The following NYAP2 variants were observed in gnomAD, a reference collection of about 807,000 sequenced individuals.
NYAP2 encodes neuronal tyrosine-phosphorylated phosphoinositide-3-kinase adaptor 2.
NYAP2 carries 23 observed loss-of-function variants against 50.4 expected under a neutral mutation model. The observed-to-expected ratio is 0.46, with a 90% CI of 0.33 to 0.65. The LOEUF is 0.65. Ranked by LOEUF, NYAP2 falls within the 30% of genes least tolerant of loss-of-function variation. The pLI, the probability that NYAP2 is intolerant of heterozygous loss-of-function variation, is 0.02. For missense variants in NYAP2, 885 were observed against 861.0 expected (o/e 1.03, Z -0.35); for synonymous variants, 394 against 365.2 (o/e 1.08, Z -0.90).
chr2:225,592,326 C>A (rs1481734834), intron 5 of NYAP2, among the ~76,000 whole-genome samples: 1 of 152,074 alleles, frequency 6.6e-6, no homozygotes, highest in East Asian at 1.9e-4. Context: ...GTTGATTAAT[C>A]AAAAACCCCA....
At chr2:225,451,495 A>T (rs1166796364) in intron 3 of NYAP2, among the ~76,000 whole-genome samples, 4 of 151,092 alleles carry the variant, frequency 2.6e-5, no homozygotes, top group Non-Finnish European at 5.9e-5. Flanking sequence ...ACTACTTATT[A>T]TATATATATA....
intron 4 of NYAP2, among the ~76,000 whole-genome samples, chr2:225,515,690 G>A (rs139632658): frequency 5.1e-4 from 78 of 152,186 alleles, no homozygotes; most frequent in African/African-American, 1.8e-3. Flanking sequence ...TGGTTCATAG[G>A]TTTCCTTGAT....
chr2:225,454,400 C>T (rs2106149742), intron 3 of NYAP2, among the ~76,000 whole-genome samples: 1 of 152,250 alleles, frequency 6.6e-6, no homozygotes, highest in South Asian at 2.1e-4. Context: ...CAATAAATCT[C>T]AATAGAATTT....
intron 6 of NYAP2, among the ~76,000 whole-genome samples, chr2:225,638,441 G>A (rs927973289): frequency 3.3e-5 from 5 of 151,960 alleles, no homozygotes; most frequent in East Asian, 1.9e-4. Context: ...GTAACTGTTC[G>A]GCTGCTGATG....
intron 6 of NYAP2, among the ~76,000 whole-genome samples, chr2:225,647,516 G>A (rs183079748): frequency 8.5e-5 from 13 of 152,268 alleles, no homozygotes; most frequent in Admixed American, 8.5e-4. Flanking sequence ...GGACCCCAGA[G>A]GGTCACATCC....
At chr2:225,437,868 T>A (rs1230379090) in intron 3 of NYAP2, among the ~76,000 whole-genome samples, 1 of 152,192 alleles carries the variant, frequency 6.6e-6, no homozygotes, top group Non-Finnish European at 1.5e-5. Context: ...ATCATCTCAA[T>A]TCTCTTTCTA....
At chr2:225,634,235 A>G (rs1221420665) in intron 6 of NYAP2, among the ~76,000 whole-genome samples, 1 of 152,210 alleles carries the variant, frequency 6.6e-6, no homozygotes, top group Non-Finnish European at 1.5e-5. Flanking sequence ...TAACTGGCAG[A>G]GAAGTTGGGT....
At chr2:225,690,037 G>A in the NYAP2 span, among the ~76,000 whole-genome samples, 39 of 152,014 alleles carry the variant, frequency 2.6e-4, 1 homozygote, top group Admixed American at 2.6e-3. Context: ...GCTTCATTCG[G>A]CCTTCATAAA....
intron 4 of NYAP2, among the ~76,000 whole-genome samples, chr2:225,541,604 T>C (rs1021550520): frequency 6.6e-6 from 1 of 152,194 alleles, no homozygotes; most frequent in Non-Finnish European, 1.5e-5. Context: ...TTACTTTAGA[T>C]ATATGAATTT....
chr2:225,417,349 A>G (rs917921650), intron 3 of NYAP2, among the ~76,000 whole-genome samples: 2 of 152,146 alleles, frequency 1.3e-5, no homozygotes, highest in Admixed American at 1.3e-4. Flanking sequence ...ATTAATTTTA[A>G]TCATGAATTG....
At chr2:225,701,474 T>C in the NYAP2 span, 1 of 151,752 alleles carries the variant, frequency 6.6e-6, no homozygotes. Flanking sequence ...GAAACACTCC[T>C]TAGCAGAGAA....
At chr2:225,594,911 A>G (rs548798956) in intron 5 of NYAP2, among the ~76,000 whole-genome samples, 1 of 152,336 alleles carries the variant, frequency 6.6e-6, no homozygotes, top group East Asian at 1.9e-4. Flanking sequence ...TGGAAGAAGT[A>G]AAAATATTAA....
intron 3 of NYAP2, among the ~76,000 whole-genome samples, chr2:225,451,187 A>C (rs1689644340): frequency 6.6e-6 from 1 of 152,158 alleles, no homozygotes; most frequent in Admixed American, 6.6e-5. Context: ...AAATGAGGAA[A>C]ACTTGGAGGC....
chr2:225,403,862 A>G (rs574700775), intron 2 of NYAP2, among the ~76,000 whole-genome samples: 2 of 152,138 alleles, frequency 1.3e-5, no homozygotes, highest in Admixed American at 6.6e-5. Flanking sequence ...GTACATGTCC[A>G]TTCTAGTCAG....
chr2:225,663,016 G>A, the NYAP2 span, among the ~76,000 whole-genome samples: 3 of 152,178 alleles, frequency 2.0e-5, no homozygotes, highest in Admixed American at 1.3e-4. Context: ...CTTTAGACCA[G>A]AAGTGTTAAA....
At chr2:225,677,442 A>G in the NYAP2 span, among the ~76,000 whole-genome samples, 19 of 152,218 alleles carry the variant, frequency 1.2e-4, no homozygotes, top group Non-Finnish European at 2.1e-4. Flanking sequence ...GACTTCCAGT[A>G]CTGTGTTGAA....
At chr2:225,449,225 T>C (rs1559182814) in intron 3 of NYAP2, among the ~76,000 whole-genome samples, 1 of 152,198 alleles carries the variant, frequency 6.6e-6, no homozygotes. Context: ...TAGGAGTCAT[T>C]TATCCTTGAA....
intron 6 of NYAP2, among the ~76,000 whole-genome samples, chr2:225,646,473 C>T (rs1048891013): frequency 2.6e-5 from 4 of 152,148 alleles, no homozygotes; most frequent in Non-Finnish European, 5.9e-5. Context: ...ATCACTTGAA[C>T]CTGGGAGGCA....
intron 3 of NYAP2, among the ~76,000 whole-genome samples, chr2:225,465,984 T>C (rs1000537509): frequency 4.6e-5 from 7 of 152,142 alleles, no homozygotes; most frequent in African/African-American, 1.7e-4. Flanking sequence ...AGCAGGCCTA[T>C]TAAGGCTCAC....
Sources: gnomAD v4.1 joint callset for allele counts (sites outside exome capture counted in the v4.1 genomes callset) on GRCh38, gnomAD v4.1.1 for gene constraint, MANE v1.5 for transcripts, NCBI Gene and HGNC (gene_info 2026-07-23, HGNC 2026-07-21) for gene names.